Variants in NEBL observed in about 807,000 individuals in gnomAD.
NEBL encodes the protein LIM and SH3 protein 2.
In NEBL, 122 loss-of-function variants were observed where a neutral mutation model predicts 140.2. That is an observed-to-expected ratio of 0.87 (90% confidence interval 0.75 to 1.01). The LOEUF is 1.01. NEBL is among the 50% of genes least tolerant of loss of function. The pLI is 0.00. For synonymous variants in NEBL, 436 were observed against 398.9 expected (o/e 1.09, Z -1.11); for missense variants, 1,365 against 1,231.3 (o/e 1.11, Z -1.62).
At chr10:21,160,864 GAA>G (rs11314209) in intron 2 of NEBL, among the ~76,000 whole-genome samples, 32,377 of 145,270 alleles carry the variant, frequency 0.22, 3,593 homozygotes, top group East Asian at 0.32. Context: ...TTTCCAGGGG[GAA>G]AAAAAAAAAA....
intron 3 of NEBL, among the ~76,000 whole-genome samples, chr10:21,244,838 C>T (rs1336460102): frequency 6.6e-6 from 1 of 150,672 alleles, no homozygotes; most frequent in Admixed American, 6.6e-5. Flanking sequence ...CAGTGAGACC[C>T]TCACCTCTAA....
chr10:21,277,956 T>C (rs944749448), intron 1 of NEBL, among the ~76,000 whole-genome samples: 1 of 152,228 alleles, frequency 6.6e-6, no homozygotes, highest in Non-Finnish European at 1.5e-5. Flanking sequence ...TTCATTGAGC[T>C]GTTGTCTATA....
At chr10:21,275,405 C>G (rs777469055) in intron 1 of NEBL, among the ~76,000 whole-genome samples, 1 of 152,204 alleles carries the variant, frequency 6.6e-6, no homozygotes, top group Admixed American at 6.5e-5. Flanking sequence ...GCTTCCAGAC[C>G]TTAAGTGGGA....
chr10:21,164,851 A>G (rs1840698230), intron 2 of NEBL, among the ~76,000 whole-genome samples: 1 of 152,200 alleles, frequency 6.6e-6, no homozygotes, highest in South Asian at 2.1e-4. Context: ...AGAAAAAAGA[A>G]AACTGTCATC....
At chr10:20,820,621 T>C (rs1839213792) in intron 19 of NEBL, among the ~76,000 whole-genome samples, 1 of 152,028 alleles carries the variant, frequency 6.6e-6, no homozygotes, top group African/African-American at 2.4e-5. Flanking sequence ...AGGTCATGAG[T>C]TCGAGACCAG....
At chr10:21,223,097 G>T (rs965160837) in intron 3 of NEBL, among the ~76,000 whole-genome samples, 2 of 152,098 alleles carry the variant, frequency 1.3e-5, no homozygotes, top group Admixed American at 6.6e-5. Flanking sequence ...ATAAATTATT[G>T]TTGACTTTAG....
At chr10:20,878,790 A>G (rs573470502) in intron 5 of NEBL, among the ~76,000 whole-genome samples, 1 of 152,220 alleles carries the variant, frequency 6.6e-6, no homozygotes, top group African/African-American at 2.4e-5. Flanking sequence ...TTCTCCCATA[A>G]GTACACAGTA....
chr10:20,937,791 T>C (rs771520515), intron 4 of NEBL, among the ~76,000 whole-genome samples: 1 of 152,172 alleles, frequency 6.6e-6, no homozygotes. Context: ...CAGGAGATCA[T>C]ATCCTGTGCC....
rs116116554 is a variant in NEBL, at chr10:20,998,598, C to T, written c.249+21519G>A. Among the ~76,000 whole-genome samples, 1,268 of 152,134 alleles carry T rather than the reference C, an allele frequency of 8.3e-3. 18 individuals carry two copies. Among genetic ancestry groups the T allele is most frequent in the African/African-American group, 0.029 (1,200 of 41,492 alleles). ...AAATGGTAGAACCATAAAAATGCTA[C>T]GTCTACATCTCATACTTAACATCAG... is the stretch of plus-strand genomic sequence containing the variant. On this transcript the variant is annotated intron_variant, in intron 3 of 6. Coordinates refer to the NEBL transcript ENST00000417816.
intron 2 of NEBL, among the ~76,000 whole-genome samples, chr10:21,139,126 G>C (rs1839496450): frequency 6.6e-6 from 1 of 152,156 alleles, no homozygotes; most frequent in African/African-American, 2.4e-5. Context: ...CAGATGTTAA[G>C]AGTCACGGCT....
At chr10:21,168,292 T>G (rs1051334992) in intron 2 of NEBL, among the ~76,000 whole-genome samples, 1 of 152,224 alleles carries the variant, frequency 6.6e-6, no homozygotes, top group Non-Finnish European at 1.5e-5. Flanking sequence ...TCTATGCTCA[T>G]GGTTTCCAAT....
chr10:20,939,781 A>T (rs143670296), intron 4 of NEBL, among the ~76,000 whole-genome samples: 148 of 152,354 alleles, frequency 9.7e-4, no homozygotes, highest in African/African-American at 3.3e-3. Context: ...CAGGGGTTGC[A>T]ATCCTAGTCT....
chr10:21,285,143 T>C (rs1337753697), intron 1 of NEBL, among the ~76,000 whole-genome samples: 1 of 152,216 alleles, frequency 6.6e-6, no homozygotes, highest in African/African-American at 2.4e-5. Flanking sequence ...AAGGACTATT[T>C]TAATTTTCTG....
chr10:20,795,831 G>A (rs1304146938), intron 26 of NEBL, among the ~76,000 whole-genome samples: 4 of 152,090 alleles, frequency 2.6e-5, no homozygotes, highest in South Asian at 2.1e-4. Context: ...AAGCAATGCT[G>A]TCACCAATAT....
intron 2 of NEBL, among the ~76,000 whole-genome samples, chr10:21,152,343 G>T (rs537255498): frequency 6.6e-6 from 1 of 152,248 alleles, no homozygotes; most frequent in East Asian, 1.9e-4. Flanking sequence ...GAATTCCAAA[G>T]GCATCCAATG....
intron 2 of NEBL, among the ~76,000 whole-genome samples, chr10:21,097,047 T>A (rs1837221187): frequency 6.6e-6 from 1 of 152,206 alleles, no homozygotes; most frequent in Admixed American, 6.5e-5. Context: ...GTAGGAGTTT[T>A]ACCTTCCCAG....
chr10:21,126,576 C>A (rs1176480727), intron 2 of NEBL, among the ~76,000 whole-genome samples: 2 of 152,080 alleles, frequency 1.3e-5, no homozygotes, highest in African/African-American at 4.8e-5. Context: ...TAAAAGGAAT[C>A]ATAAAGACCA....
intron 2 of NEBL, among the ~76,000 whole-genome samples, chr10:21,090,156 C>T (rs180694621): frequency 2.0e-5 from 3 of 152,300 alleles, no homozygotes; most frequent in Middle Eastern, 3.4e-3. Context: ...CCAAGAGCTA[C>T]GGTCTTCCCA....
rs74122609 is a variant in NEBL, at chr10:21,038,155, T to C, written c.165-17954A>G. On this transcript the variant is annotated intron_variant, in intron 2 of 6. Coordinates refer to the NEBL transcript ENST00000417816. ...CTATGAGGGGAAAAGCATGACATTT[T>C]CAATCAAGTAGCAACTCAAGGTTAT... Among the ~76,000 whole-genome samples, 597 of 152,340 alleles carry C rather than the reference T, an allele frequency of 3.9e-3. 3 individuals are homozygous for C. Among genetic ancestry groups the C allele is most frequent in the African/African-American group, 0.014 (570 of 41,574 alleles).
Sources: gnomAD v4.1 joint callset for allele counts (sites outside exome capture counted in the v4.1 genomes callset) on GRCh38, gnomAD v4.1.1 for gene constraint, MANE v1.5 for transcripts, NCBI Gene and HGNC (gene_info 2026-07-23, HGNC 2026-07-21) for gene names.